Variants in RRN3 observed in about 807,000 individuals in gnomAD.
RRN3 encodes the protein RNA polymerase I-specific transcription initiation factor RRN3.
In RRN3, 38 loss-of-function variants were observed where a neutral mutation model predicts 82.3. That is an observed-to-expected ratio of 0.46 (90% CI 0.36 to 0.61). The LOEUF is 0.61. RRN3 is among the 20% of genes least tolerant of loss of function. The pLI is 0.00. For missense variants in RRN3, 726 were observed against 793.1 expected (o/e 0.92, Z 1.02); for synonymous variants, 284 against 284.3 (o/e 1.00, Z 0.01).
In RRN3 at chr16:15,091,899, C is replaced by A. The variant is rs532020259; in HGVS notation, c.196-528G>T. 2.0e-5 allele frequency among the ~76,000 whole-genome samples: 3 copies of A among 152,292 alleles called. No individual in the cohort carries two copies. In the South Asian group the frequency reaches 6.2e-4, roughly 32 times the overall value. The stretch of plus-strand genomic sequence containing the variant: ...TCCTCAAAAAATAAAATGCTGTAGG[C>A]CAGGCATGGTGGCTCACGTCTGTAA... On this transcript the variant is annotated intron_variant, in intron 2 of 17. Transcript: ENST00000198767.
At chr16:15,089,803 A>AAAAAAAAAC (rs1567225918) in intron 3 of RRN3, among the ~76,000 whole-genome samples, 1 of 151,134 alleles carries the variant, frequency 6.6e-6, no homozygotes, top group East Asian at 1.9e-4. Flanking sequence ...AAAAAAAAAA[A>AAAAAAAAAC]AAAAAAAACA....
At chr16:15,064,015 C>T (rs535995875) in intron 16 of RRN3, among the ~76,000 whole-genome samples, 1 of 152,268 alleles carries the variant, frequency 6.6e-6, no homozygotes, top group African/African-American at 2.4e-5. Context: ...TTCAGTCAAC[C>T]AAGACTTCAG....
chr16:15,094,132 G>C lies in RRN3; in HGVS notation c.89+13C>G. ...CGTCCCAGATACGCAGAAGGAAGCG[G>C]CCTGAATCTTACCCAGTCCTCGACG... On this transcript the variant is annotated intron_variant, in intron 1 of 17. Coordinates refer to ENST00000198767, the MANE Select transcript of RRN3 (RefSeq NM_018427.5). The C allele has an allele frequency of 4.4e-6, 7 of 1,586,562 alleles. No homozygotes were observed. Among genetic ancestry groups the C allele is most frequent in the Non-Finnish European group, 5.1e-6 (6 of 1,165,122 alleles).
chr16:15,085,455 T>G (rs1158513238), intron 6 of RRN3, among the ~76,000 whole-genome samples, 184 bp downstream of exon 6: 1 of 152,204 alleles, frequency 6.6e-6, no homozygotes, highest in East Asian at 1.9e-4. Context: ...CTAGTTCTAC[T>G]TTAAGCCTTT....
At position 15,061,825 on chromosome 16, in the gene RRN3, G is replaced by T; in HGVS notation, c.1875C>A (p.Ser625Arg). 1 of 1,614,184 alleles carries T rather than the reference G, an allele frequency of 6.2e-7. No individual in the cohort carries two copies. The highest frequency in any genetic ancestry group is 1.3e-5 in the African/African-American group (1 of 75,070). ...QNDTVIGITP[S>R]SFDTHFRSPS... Reference sequence around the variant, plus strand: ...GACTTCGGAAATGCGTGTCAAAGGAGCTTGGTGTGATCCCAATCACGGTAT... The same window carrying T: ...GACTTCGGAAATGCGTGTCAAAGGATCTTGGTGTGATCCCAATCACGGTAT... The change falls in exon 18 of 18, where the codon AGC becomes AGA. Residue 625 changes from serine to arginine, a missense_variant. Physicochemically the swap from Ser to Arg is moderately radical, Grantham distance 110. Coordinates refer to ENST00000198767, the MANE Select transcript of RRN3 (RefSeq NM_018427.5).
At position 15,083,499 on chromosome 16, in the gene RRN3, A is replaced by T. The variant is rs1440169890; in HGVS notation, c.666+14T>A. On this transcript the variant is annotated intron_variant, in intron 8 of 17. Coordinates refer to ENST00000198767, the MANE Select transcript of RRN3 (RefSeq NM_018427.5). ...CAACTTTTCCATGATGTTCTCAATG[A>T]AAAGATTTCTTACCAGTGTTCTCTC... 6.2e-7 allele frequency: 1 copy of T among 1,608,464 alleles called. No individual in the cohort carries two copies. The highest frequency in any genetic ancestry group is 1.7e-5 in the Admixed American group (1 of 59,138).
rs556147803 is a variant in RRN3 at position 15,085,911 on chromosome 16, C to G, written c.473-213G>C. Among the ~76,000 whole-genome samples, 11 of 152,208 alleles carry G rather than the reference C, an allele frequency of 7.2e-5. No homozygotes were observed. In the South Asian group the frequency reaches 2.3e-3, roughly 32 times the overall value. ...AACGGCTAAAAATTCCTAGATTTCA[C>G]CAGGAGTTCAATAAAGCAAATAAAT... On this transcript the variant is annotated intron_variant, in intron 5 of 17. Coordinates refer to ENST00000198767, the MANE Select transcript of RRN3 (RefSeq NM_018427.5).
At chr16:15,077,971 A>C (rs755127944) in intron 9 of RRN3, among the ~76,000 whole-genome samples, 1 of 152,226 alleles carries the variant, frequency 6.6e-6, no homozygotes, top group Non-Finnish European at 1.5e-5. Context: ...ACATATCGTC[A>C]ATCAACTGAG....
chr16:15,094,047 C>T (rs535772414), intron 1 of RRN3, 98 bp downstream of exon 1: 177 of 1,093,730 alleles, frequency 1.6e-4, no homozygotes, highest in South Asian at 1.5e-3. Flanking sequence ...TCCTATCACA[C>T]GCCATGAGCT....
At chr16:15,069,443 G>C (rs2151771301) in intron 14 of RRN3, among the ~76,000 whole-genome samples, 1 of 152,290 alleles carries the variant, frequency 6.6e-6, no homozygotes, top group African/African-American at 2.4e-5. Flanking sequence ...TGTTCTTGGA[G>C]ACTCTCTTCA....
rs1036970236 is a variant in RRN3, at chr16:15,061,350, T to C, written c.*394A>G. The C allele has an allele frequency of 5.3e-6, 1 of 189,774 alleles. No homozygotes were observed. Among genetic ancestry groups the C allele is most frequent in the Non-Finnish European group, 1.1e-5 (1 of 93,298 alleles). 11.8% of individuals were successfully genotyped at this position (189,774 alleles called of 1,614,324 possible). A position where few individuals can be genotyped will look rare whatever the true frequency, so the allele number is the denominator to read the frequency against. On this transcript the variant is annotated 3_prime_UTR_variant, in exon 18 of 18. Transcript: ENST00000198767. ...CTTCACTGAAAGCTCATCAGTCAAGTCCTAAGACCATGGATCTGACAAAAA... is the reference window on the plus strand; with the variant it reads ...CTTCACTGAAAGCTCATCAGTCAAGCCCTAAGACCATGGATCTGACAAAAA...
At position 15,061,785 on chromosome 16, in the gene RRN3, C is replaced by A; in HGVS notation, c.1915G>T (p.Gly639Cys). ...THFRSPSSSV[G>C]SPPVLYMQPS... ...TGCATGTACAACACGGGTGGGGAGC[C>A]CACACTACTTGAAGGACTTCGGAAA... The change falls in exon 18 of 18, where the codon GGC (glycine) becomes TGC (cysteine). Residue 639 changes from glycine (G) to cysteine (C), a missense_variant. By Grantham distance (159) the Gly-to-Cys change is radical (BLOSUM62 -3). Coordinates refer to ENST00000198767, the MANE Select transcript of RRN3 (RefSeq NM_018427.5). 6.2e-7 allele frequency: 1 copy of A among 1,614,002 alleles called. No individual in the cohort carries two copies. Among genetic ancestry groups the A allele is most frequent in the African/African-American group, 1.3e-5 (1 of 75,054 alleles).
intron 9 of RRN3, among the ~76,000 whole-genome samples, chr16:15,077,909 G>A (rs924945435): frequency 2.0e-5 from 3 of 152,142 alleles, no homozygotes; most frequent in East Asian, 3.9e-4. Flanking sequence ...GTGTGAAAAT[G>A]GACTAATACA....
chr16:15,093,731 G>C (rs2046234514), intron 1 of RRN3, among the ~76,000 whole-genome samples: 1 of 152,164 alleles, frequency 6.6e-6, no homozygotes, highest in South Asian at 2.1e-4. Flanking sequence ...ACAAATACGT[G>C]TGTCGAAACA....
intron 7 of RRN3, chr16:15,083,844 A>C: frequency 2.9e-6 from 1 of 349,270 alleles, no homozygotes; most frequent in Admixed American, 4.5e-5. Flanking sequence ...AACCTCCCAA[A>C]CAGCTGGGAT....
At chr16:15,063,543 C>T (rs1374518704) in intron 16 of RRN3, among the ~76,000 whole-genome samples, 1 of 151,820 alleles carries the variant, frequency 6.6e-6, no homozygotes, top group East Asian at 1.9e-4. Context: ...CCCATCTCTA[C>T]TAAAAATACA....
intron 3 of RRN3, 78 bp downstream of exon 3, chr16:15,091,237 G>A: frequency 2.5e-6 from 4 of 1,569,016 alleles, no homozygotes; most frequent in Admixed American, 1.8e-5. Flanking sequence ...CTGGAGGACA[G>A]AATGGGACCC....
intron 6 of RRN3, among the ~76,000 whole-genome samples, chr16:15,085,190 T>A: frequency 6.6e-6 from 1 of 152,248 alleles, no homozygotes; most frequent in East Asian, 1.9e-4. Context: ...GAAAATTAAA[T>A]GGACTAATTA....
chr16:15,082,081 T>G (rs1048788086), intron 8 of RRN3, among the ~76,000 whole-genome samples: 1 of 152,198 alleles, frequency 6.6e-6, no homozygotes, highest in Non-Finnish European at 1.5e-5. Flanking sequence ...TTCCTTTCCA[T>G]CTGGATGCTT....
Sources: allele counts gnomAD v4.1 joint callset (sites outside exome capture counted in the v4.1 genomes callset), GRCh38; gene constraint gnomAD v4.1.1; transcripts MANE v1.5; gene names NCBI Gene and HGNC (gene_info 2026-07-23, HGNC 2026-07-21).